Variants in APTX observed in about 807,000 individuals in gnomAD.
APTX encodes the protein aprataxin.
APTX carries 33 observed loss-of-function variants against 42.3 expected under a neutral mutation model. That is an observed-to-expected ratio of 0.78 (90% confidence interval 0.59 to 1.04). The LOEUF is 1.04. Ranked by LOEUF, APTX falls within the 50% of genes least tolerant of loss-of-function variation. The pLI is 0.00. For missense variants in APTX, 421 were observed against 415.1 expected (o/e 1.01, Z -0.12); for synonymous variants, 130 against 146.7 (o/e 0.89, Z 0.82).
At chr9:33,006,378 T>G (rs1023952279), upstream of APTX, among the ~76,000 whole-genome samples, 5 of 152,216 alleles carry the variant, frequency 3.3e-5, no homozygotes, top group Non-Finnish European at 7.3e-5. Context: ...ATAGCTGCCA[T>G]GTGCTCTCCA....
At chr9:33,018,316 C>G (rs1407116664) in intron 1 of APTX, among the ~76,000 whole-genome samples, 1 of 151,760 alleles carries the variant, frequency 6.6e-6, no homozygotes, top group East Asian at 2.0e-4. Flanking sequence ...TTCACCATCT[C>G]TACTACGATG....
chr9:32,996,073 A>G (rs1834842348), intron 1 of APTX, among the ~76,000 whole-genome samples: 1 of 152,134 alleles, frequency 6.6e-6, no homozygotes, highest in Non-Finnish European at 1.5e-5. Context: ...AGGTGTGTAC[A>G]TTGTTTGTTC....
chr9:32,986,895 G>A (rs1163882908), intron 4 of APTX, among the ~76,000 whole-genome samples: 1 of 152,024 alleles, frequency 6.6e-6, no homozygotes, highest in Non-Finnish European at 1.5e-5. Flanking sequence ...TGCAACCTCC[G>A]CCTTCCAGGT....
chr9:32,972,842 C>T lies in APTX; in HGVS notation c.*656G>A. On this transcript the variant is annotated 3_prime_UTR_variant, in exon 8 of 8. Transcript: ENST00000379817. ...AATCATGACGAACATGTGGCTGTTTCCTCACAGCCAGGAACCCTCGGTATT... is the reference window on the plus strand; with the variant it reads ...AATCATGACGAACATGTGGCTGTTTTCTCACAGCCAGGAACCCTCGGTATT... 1 of 454,126 alleles carries T rather than the reference C, an allele frequency of 2.2e-6. No individual in the cohort carries two copies. The highest frequency in any genetic ancestry group is 1.6e-5 in the South Asian group (1 of 64,480). 28.1% of individuals were successfully genotyped at this position (454,126 alleles called of 1,614,324 possible).
chr9:33,002,776 C>G (rs1367350813), upstream of APTX, among the ~76,000 whole-genome samples: 2 of 152,148 alleles, frequency 1.3e-5, no homozygotes, highest in African/African-American at 2.4e-5. Flanking sequence ...TTTTCTTTAA[C>G]AAAATTGAGA....
chr9:32,975,194 C>G (rs1012046339), intron 6 of APTX, among the ~76,000 whole-genome samples: 1 of 152,082 alleles, frequency 6.6e-6, no homozygotes, highest in African/African-American at 2.4e-5. Context: ...GCAGCAGAAA[C>G]GAGGCAGGAG....
chr9:32,978,145 G>A (rs777325970), intron 6 of APTX, among the ~76,000 whole-genome samples: 15 of 152,188 alleles, frequency 9.9e-5, no homozygotes, highest in Admixed American at 9.2e-4. Context: ...TGGGTTTGTT[G>A]AAGAATGGAA....
At chr9:33,019,665 G>A (rs762997155) in intron 1 of APTX, 42 of 442,700 alleles carry the variant, frequency 9.5e-5, no homozygotes, top group Admixed American at 3.9e-4. Context: ...AGGAGGAGAC[G>A]CAAGGTTAGA....
chr9:32,984,612 C>T lies in APTX; in HGVS notation c.770+19G>A. On this transcript the variant is annotated intron_variant, in intron 6 of 7. Coordinates refer to ENST00000379817, the MANE Select transcript of APTX (RefSeq NM_001195248.2). Reference sequence around the variant, plus strand: ...CCTGGACAGAACCAGGAGCCAGCAGCACTACCCACCTGGCTTACCTCATAC... The same window carrying T: ...CCTGGACAGAACCAGGAGCCAGCAGTACTACCCACCTGGCTTACCTCATAC... 1 of 1,610,424 alleles carries T rather than the reference C, an allele frequency of 6.2e-7. No individual in the cohort carries two copies. Among genetic ancestry groups the T allele is most frequent in the Non-Finnish European group, 8.5e-7 (1 of 1,176,566 alleles).
intron 1 of APTX, among the ~76,000 whole-genome samples, chr9:33,015,073 G>C (rs570236335): frequency 6.6e-6 from 1 of 152,100 alleles, no homozygotes; most frequent in African/African-American, 2.4e-5. Flanking sequence ...TTTGTCTCTG[G>C]TTCCATTTTG....
In APTX at chr9:32,985,872, G is replaced by C. The variant is rs569319249; in HGVS notation, c.543+99C>G. ...AGCCCAATAAAATGAATCTCATTCA[G>C]AAAGACTGATATCCTTTGATTTCAT... On this transcript the variant is annotated intron_variant, in intron 5 of 7. Coordinates refer to ENST00000379817, the MANE Select transcript of APTX (RefSeq NM_001195248.2). 192 of 1,138,836 alleles carry C rather than the reference G, an allele frequency of 1.7e-4. No homozygotes were observed. In the African/African-American group the frequency reaches 2.2e-3, roughly 13 times the overall value. 70.5% of individuals were successfully genotyped at this position (1,138,836 alleles called of 1,614,324 possible).
intron 1 of APTX, chr9:33,019,602 G>T (rs1390626772): frequency 7.9e-6 from 3 of 378,250 alleles, no homozygotes; most frequent in African/African-American, 4.2e-5. Flanking sequence ...GCCCTCCCGG[G>T]AAAGTAGCAA....
chr9:33,012,389 T>C (rs368796330), intron 1 of APTX, among the ~76,000 whole-genome samples: 35 of 152,336 alleles, frequency 2.3e-4, no homozygotes, highest in East Asian at 2.1e-3. Flanking sequence ...TTCTCCCCTT[T>C]CAGAATTCCT....
chr9:32,981,536 G>A (rs1164453879), intron 6 of APTX, among the ~76,000 whole-genome samples: 1 of 152,120 alleles, frequency 6.6e-6, no homozygotes, highest in Admixed American at 6.6e-5. Context: ...CAGAAACCTA[G>A]TGCCCAAGAA....
Position 32,972,652 on chromosome 9 carries a change from T to C in APTX, c.*846A>G, listed in dbSNP as rs2099721520. ...AATTTATTCTCAGGGAAAAAGAAAG[T>C]AGTGGCTCTACGCAACTTTTTCATT... On this transcript the variant is annotated 3_prime_UTR_variant, in exon 8 of 8. Coordinates refer to ENST00000379817, the MANE Select transcript of APTX (RefSeq NM_001195248.2). 3 of 416,574 alleles carry C rather than the reference T, an allele frequency of 7.2e-6. No homozygotes were observed. The highest frequency in any genetic ancestry group is 1.4e-5 in the Non-Finnish European group (3 of 209,842). The allele number at this position is 416,574 out of a possible 1,614,324, so 25.8% of individuals were successfully genotyped here.
upstream of APTX, among the ~76,000 whole-genome samples, chr9:33,002,199 A>G (rs1036109610): frequency 6.6e-6 from 1 of 152,114 alleles, no homozygotes; most frequent in African/African-American, 2.4e-5. Context: ...GTTCCCTAAG[A>G]ATCATATTGC....
chr9:33,016,455 T>C (rs750251985), intron 1 of APTX, among the ~76,000 whole-genome samples: 9 of 152,198 alleles, frequency 5.9e-5, no homozygotes, highest in Non-Finnish European at 1.0e-4. Context: ...ACATGTTTAC[T>C]GCATATCCTT....
intron 1 of APTX, among the ~76,000 whole-genome samples, chr9:32,995,040 A>G (rs1834490336): frequency 6.6e-6 from 1 of 152,246 alleles, no homozygotes; most frequent in Non-Finnish European, 1.5e-5. Context: ...ATTACTGCTC[A>G]TTGACAATGC....
chr9:33,012,760 T>C (rs1370002196), intron 1 of APTX, among the ~76,000 whole-genome samples: 1 of 152,176 alleles, frequency 6.6e-6, no homozygotes, highest in Non-Finnish European at 1.5e-5. Flanking sequence ...ATTAAATAAA[T>C]GATTGCTACC....
Sources: allele counts gnomAD v4.1 joint callset (sites outside exome capture counted in the v4.1 genomes callset), GRCh38; gene constraint gnomAD v4.1.1; transcripts MANE v1.5; gene names NCBI Gene and HGNC (gene_info 2026-07-23, HGNC 2026-07-21).